The following JHY variants were observed in gnomAD, a reference collection of about 807,000 sequenced individuals.
JHY encodes the protein junctional cadherin complex regulator.
Under a neutral mutation model 78.0 loss-of-function variants are expected in JHY, and 69 were observed. The ratio of observed to expected loss-of-function variants is 0.88; its 90% CI spans 0.73 to 1.08. JHY has a LOEUF of 1.08. Ranked by LOEUF, JHY falls within the 50% of genes least tolerant of loss-of-function variation. The pLI is 0.00. For synonymous variants in JHY, 368 were observed against 342.6 expected (o/e 1.07, Z -0.82); for missense variants, 944 against 927.8 (o/e 1.02, Z -0.23).
In JHY at chr11:122,934,668, A is replaced by G; in HGVS notation, c.1227A>G (p.Thr409=). The G allele has an allele frequency of 6.2e-7, 1 of 1,614,188 alleles. No homozygotes were observed. The highest frequency in any genetic ancestry group is 8.5e-7 in the Non-Finnish European group (1 of 1,180,038). ...QNQNKPLDTS[T]KPESIVIMHA... ...AAAATAAGCCTCTTGATACTTCAAC[A>G]AAGCCTGAATCGATTGTGATTATGC... The change falls in exon 5 of 9, where the codon ACA becomes ACG. Residue 409 remains threonine, a synonymous_variant. Coordinates refer to ENST00000227349, the MANE Select transcript of JHY (RefSeq NM_024806.4).
chr11:122,886,742 C>T (rs1862505188), intron 2 of JHY, among the ~76,000 whole-genome samples: 1 of 152,290 alleles, frequency 6.6e-6, no homozygotes, highest in South Asian at 2.1e-4. Context: ...GCCACCATGC[C>T]TGACCCACTT....
intron 7 of JHY, among the ~76,000 whole-genome samples, chr11:122,957,142 G>A (rs1486521314): frequency 6.6e-6 from 1 of 152,138 alleles, no homozygotes; most frequent in Non-Finnish European, 1.5e-5. Context: ...GGAATACCGG[G>A]CGTGATATTG....
At chr11:122,938,132 G>T (rs1427345989) in intron 5 of JHY, among the ~76,000 whole-genome samples, 1 of 151,960 alleles carries the variant, frequency 6.6e-6, no homozygotes, top group Non-Finnish European at 1.5e-5. Context: ...CATAGATTGA[G>T]CTGGGGCCTT....
Position 122,903,987 on chromosome 11 carries a change from A to T in JHY, c.407A>T (p.Lys136Met). 6.2e-7 allele frequency: 1 copy of T among 1,613,972 alleles called. No homozygotes were observed. The highest frequency in any genetic ancestry group is 2.2e-5 in the East Asian group (1 of 44,880). The change falls in exon 3 of 9, where the codon AAG becomes ATG. Residue 136 changes from lysine to methionine, a missense_variant. Coordinates refer to ENST00000227349, the MANE Select transcript of JHY (RefSeq NM_024806.4). The part of the protein sequence containing the change: ...LRYDPNWKSK[K>M]EEGQLLSVEA... ...TATGACCCGAACTGGAAGAGTAAGA[A>T]GGAGGAAGGGCAGCTGCTGTCTGTG...
intron 2 of JHY, among the ~76,000 whole-genome samples, chr11:122,903,302 T>C (rs761191225): frequency 6.6e-6 from 1 of 152,220 alleles, no homozygotes; most frequent in Admixed American, 6.5e-5. Flanking sequence ...CCACAGTGAT[T>C]ATTTGTTTAA....
At position 122,907,216 on chromosome 11, in the gene JHY, T is replaced by A. The variant is rs144827141; in HGVS notation, c.864+2772T>A. On this transcript the variant is annotated intron_variant, in intron 3 of 8. Coordinates refer to ENST00000227349, the MANE Select transcript of JHY (RefSeq NM_024806.4). ...ACAGTGACATAATGATATGTGTAAC[T>A]TAGTGAATTCTAGTCAGTAGCATAA... is the stretch of plus-strand genomic sequence containing the variant. 2.0e-5 allele frequency among the ~76,000 whole-genome samples: 3 copies of A among 152,176 alleles called. No homozygotes were observed. The East Asian group carries it at 5.8e-4, about 29-fold the overall frequency.
At chr11:122,905,141 A>C (rs1387544382) in intron 3 of JHY, 2 of 1,501,364 alleles carry the variant, frequency 1.3e-6, no homozygotes, top group African/African-American at 2.8e-5. Context: ...TAAAATTGGG[A>C]CAGTAATAAA....
At chr11:122,953,326 G>A (rs780157838) in intron 6 of JHY, among the ~76,000 whole-genome samples, 18 of 151,996 alleles carry the variant, frequency 1.2e-4, no homozygotes, top group Non-Finnish European at 2.6e-4. Flanking sequence ...ATTTGGGCTG[G>A]GCACAGTGGC....
At chr11:122,945,105 C>A (rs1847820515) in intron 5 of JHY, among the ~76,000 whole-genome samples, 2 of 152,140 alleles carry the variant, frequency 1.3e-5, no homozygotes, top group South Asian at 4.1e-4. Flanking sequence ...CCTATAGGAA[C>A]CCCAAATAGC....
chr11:122,961,041 G>A lies in JHY; in HGVS notation c.*1596G>A. 2 of 1,051,276 alleles carry A rather than the reference G, an allele frequency of 1.9e-6. No individual in the cohort carries two copies. The highest frequency in any genetic ancestry group is 2.9e-6 in the Non-Finnish European group (2 of 681,660). The allele number at this position is 1,051,276 out of a possible 1,614,324, so 65.1% of individuals were successfully genotyped here. A position where few individuals can be genotyped will look rare whatever the true frequency, so the allele number is the denominator to read the frequency against. ...GGAGACAATTGCCAAGTGCATTTGG[G>A]ACCTAAAGCTGTTGGCAAAGAAGAC... On this transcript the variant is annotated 3_prime_UTR_variant, in exon 9 of 9. Transcript: ENST00000227349.
intron 7 of JHY, among the ~76,000 whole-genome samples, chr11:122,956,869 G>T (rs750367132): frequency 9.9e-5 from 15 of 152,152 alleles, no homozygotes; most frequent in Non-Finnish European, 1.9e-4. Flanking sequence ...GTGGTTGTTG[G>T]TCTTTCCTAC....
intron 5 of JHY, among the ~76,000 whole-genome samples, chr11:122,937,741 G>A (rs183360662): frequency 4.1e-4 from 62 of 151,984 alleles, no homozygotes; most frequent in East Asian, 1.2e-3. Flanking sequence ...CTTCTCCTTC[G>A]TCACCCTTCC....
In JHY at chr11:122,882,994, G is replaced by C. The variant is rs567007856; in HGVS notation, c.-90+22G>C. On this transcript the variant is annotated intron_variant, in intron 1 of 8. Coordinates refer to ENST00000227349, the MANE Select transcript of JHY (RefSeq NM_024806.4). ...GCAGGTGACGGGCGGTGGCCTCCCG[G>C]ATCTGGGGTGGGCGGCGCGCCCGGG... 6.4e-3 allele frequency: 973 copies of C among 152,858 alleles called. 9 individuals are homozygous for C. The highest frequency in any genetic ancestry group is 0.021 in the South Asian group (118 of 5,670). The allele number at this position is 152,858 out of a possible 1,614,324, so 9.5% of individuals were successfully genotyped here.
At position 122,962,897 on chromosome 11, in the gene JHY, A is replaced by G. The variant is rs1039248611; in HGVS notation, c.*3452A>G. Among the ~76,000 whole-genome samples the G allele has an allele frequency of 2.6e-5, 4 of 152,094 alleles. No homozygotes were observed. Among genetic ancestry groups the G allele is most frequent in the Non-Finnish European group, 5.9e-5 (4 of 67,990 alleles). ...GAATCTCCCATCTTTGAACACCAGG[A>G]ATAGTACTTTTTATTTGTCTATGGA... On this transcript the variant is annotated 3_prime_UTR_variant, in exon 9 of 9. Transcript: ENST00000227349.
chr11:122,944,934 C>T (rs559677534), intron 5 of JHY, among the ~76,000 whole-genome samples: 10 of 151,952 alleles, frequency 6.6e-5, no homozygotes, highest in African/African-American at 2.4e-4. Flanking sequence ...TTTTGGTGTT[C>T]TGAAGTTTCG....
chr11:122,926,199 AAAAAAAAG>A (rs1565324065), intron 4 of JHY, among the ~76,000 whole-genome samples: 2 of 90,482 alleles, frequency 2.2e-5, no homozygotes, highest in African/African-American at 6.2e-5. Context: ...AAAAAAAAAA[AAAAAAAAG>A]AAAAAAGAAA....
At position 122,934,763 on chromosome 11, in the gene JHY, C is replaced by T. The variant is rs541377801; in HGVS notation, c.1322C>T (p.Thr441Ile). 1.1e-5 allele frequency: 17 copies of T among 1,614,210 alleles called. No homozygotes were observed. Among genetic ancestry groups the T allele is most frequent in the South Asian group, 4.4e-5 (4 of 91,088 alleles). Residue 441 changes from threonine to isoleucine, a missense_variant, in exon 5 of 9, where the codon ACA (threonine) becomes ATA (isoleucine). Transcript: ENST00000227349. ...RSHNLKETSNTFAPPKQAFDK... is the reference protein window; with the variant it reads ...RSHNLKETSNIFAPPKQAFDK... ...CACAATCTCAAAGAAACCTCCAATA[C>T]ATTTGCTCCACCAAAACAGGCTTTT...
intron 3 of JHY, among the ~76,000 whole-genome samples, chr11:122,914,989 T>C (rs1863205619): frequency 6.6e-6 from 1 of 152,100 alleles, no homozygotes; most frequent in African/African-American, 2.4e-5. Flanking sequence ...AACTACCAAT[T>C]TGTATGATCT....
At chr11:122,911,685 C>A (rs1004547574) in intron 3 of JHY, among the ~76,000 whole-genome samples, 2 of 151,964 alleles carry the variant, frequency 1.3e-5, no homozygotes, top group African/African-American at 4.8e-5. Context: ...GCAGGCAGAT[C>A]ACCTGAGGTC....
Sources: allele counts gnomAD v4.1 joint callset (sites outside exome capture counted in the v4.1 genomes callset), GRCh38; gene constraint gnomAD v4.1.1; transcripts MANE v1.5; gene names NCBI Gene and HGNC (gene_info 2026-07-23, HGNC 2026-07-21).